The following SH3PXD2A variants were observed in gnomAD, a reference collection of about 807,000 sequenced individuals.
SH3PXD2A encodes SH3 and PX domains 2A.
A neutral mutation model predicts 115.2 loss-of-function variants in SH3PXD2A; 32 were observed. The ratio of observed to expected loss-of-function variants is 0.28; its 90% confidence interval spans 0.21 to 0.37. The LOEUF (loss-of-function observed/expected upper bound fraction) is 0.37. Among genes scored for constraint, SH3PXD2A ranks in the 10% least tolerant of loss-of-function variants. The pLI, the probability that SH3PXD2A is intolerant of heterozygous loss-of-function variation, is 1.00. For synonymous variants in SH3PXD2A, 610 were observed against 629.1 expected, an observed-to-expected ratio of 0.97 and a Z score of 0.45; for missense variants, 1,328 against 1,498.7, an observed-to-expected ratio of 0.89 and a Z score of 1.88.
intron 6 of SH3PXD2A, among the ~76,000 whole-genome samples, chr10:103,680,825 G>A (rs2037598833): frequency 6.6e-6 from 1 of 152,154 alleles, no homozygotes; most frequent in Non-Finnish European, 1.5e-5. Flanking sequence ...TTCACACTTC[G>A]AAACAGACCA....
intron 1 of SH3PXD2A, among the ~76,000 whole-genome samples, chr10:103,850,604 C>T (rs750579617): frequency 4.6e-5 from 7 of 152,184 alleles, no homozygotes; most frequent in Non-Finnish European, 7.3e-5. Context: ...TCTGTTTCTT[C>T]CCAGCTTACC....
At chr10:103,724,685 T>G (rs1032082855) in intron 4 of SH3PXD2A, among the ~76,000 whole-genome samples, 3 of 151,488 alleles carry the variant, frequency 2.0e-5, no homozygotes, top group Non-Finnish European at 4.4e-5. Flanking sequence ...AGAAAACCCC[T>G]AACCAGTTAT....
At chr10:103,708,988 C>G (rs2038015378) in intron 5 of SH3PXD2A, among the ~76,000 whole-genome samples, 1 of 151,938 alleles carries the variant, frequency 6.6e-6, no homozygotes, top group Non-Finnish European at 1.5e-5. Context: ...AGAGGTGCCC[C>G]TGGCAATTAA....
intron 8 of SH3PXD2A, among the ~76,000 whole-genome samples, chr10:103,655,027 C>T (rs1019297588): frequency 6.6e-6 from 1 of 152,166 alleles, no homozygotes; most frequent in Non-Finnish European, 1.5e-5. Flanking sequence ...GGCCCTTTCC[C>T]CTCCAGCCAG....
Position 103,603,220 on chromosome 10 carries a change from T to A in SH3PXD2A, c.1998A>T (p.Ser666=). ...NSPKSGSPKS[S]SLLKLKAEKN... ...TCTCTGCCTTGAGCTTTAGGAGTGA[T>A]GATGACTTGGGGGAGCCTGATTTGG... Residue 666 remains serine, a synonymous_variant, in exon 15 of 15, where the codon TCA becomes TCT. Transcript: ENST00000369774. 6.2e-7 allele frequency: 1 copy of A among 1,614,160 alleles called. No individual in the cohort carries two copies. The highest frequency in any genetic ancestry group is 8.5e-7 in the Non-Finnish European group (1 of 1,180,028).
intron 6 of SH3PXD2A, among the ~76,000 whole-genome samples, chr10:103,679,461 C>G (rs1326426036): frequency 6.6e-6 from 1 of 152,242 alleles, no homozygotes; most frequent in African/African-American, 2.4e-5. Flanking sequence ...GGGTACCCTC[C>G]CTGCGCCCCA....
intron 14 of SH3PXD2A, among the ~76,000 whole-genome samples, chr10:103,605,533 CCCT>C (rs2036287016): frequency 6.6e-6 from 1 of 152,214 alleles, no homozygotes; most frequent in Non-Finnish European, 1.5e-5. Flanking sequence ...TTCAAGGCCC[CCCT>C]GTCACAAGCT....
rs1245930754 is a variant in SH3PXD2A, at chr10:103,665,995, C to A, written c.472+2613G>T. ...GTCCCAGGGGTCCCCTGGACCCCTG[C>A]CCCACCCTTGCCTCACATCTGCATT... is the stretch of plus-strand genomic sequence containing the variant. On this transcript the variant is annotated intron_variant, in intron 7 of 14. Coordinates refer to ENST00000369774, the MANE Select transcript of SH3PXD2A (RefSeq NM_001394015.1). This position sits in a 1 kb window ranked among gnomAD's most constrained non-coding sequence, Gnocchi z 4.0. Among the ~76,000 whole-genome samples the A allele has an allele frequency of 1.3e-5, 2 of 152,086 alleles. No homozygotes were observed. The highest frequency in any genetic ancestry group is 4.8e-5 in the African/African-American group (2 of 41,416).
chr10:103,750,990 C>T (rs989089847), intron 3 of SH3PXD2A, among the ~76,000 whole-genome samples: 45 of 152,170 alleles, frequency 3.0e-4, no homozygotes, highest in Non-Finnish European at 3.8e-4. Context: ...AACACCACAG[C>T]GGGAAACGGA....
intron 11 of SH3PXD2A, 115 bp downstream of exon 11, chr10:103,617,082 G>C: frequency 1.4e-6 from 1 of 734,780 alleles, no homozygotes; most frequent in South Asian, 1.6e-5. Context: ...GCCCTGTGCC[G>C]TGGGCACAAA....
At chr10:103,767,906 C>T (rs950243939) in intron 2 of SH3PXD2A, among the ~76,000 whole-genome samples, 1 of 149,516 alleles carries the variant, frequency 6.7e-6, no homozygotes, top group African/African-American at 2.5e-5. Context: ...GCCAGGGCCC[C>T]TTTGTGTGTG....
intron 1 of SH3PXD2A, among the ~76,000 whole-genome samples, chr10:103,850,813 C>G (rs988143954): frequency 2.0e-5 from 3 of 152,152 alleles, no homozygotes; most frequent in Non-Finnish European, 2.9e-5. Context: ...CCGATTGGGT[C>G]CTAAATCACC....
At chr10:103,836,491 C>T (rs2039541780) in intron 1 of SH3PXD2A, among the ~76,000 whole-genome samples, 1 of 151,720 alleles carries the variant, frequency 6.6e-6, no homozygotes, top group African/African-American at 2.4e-5. Flanking sequence ...CACACACAGA[C>T]ACATCCATAC....
At position 103,694,273 on chromosome 10, in the gene SH3PXD2A, C is replaced by T. The variant is rs562301724; in HGVS notation, c.399-1217G>A. On this transcript the variant is annotated intron_variant, in intron 5 of 14. Transcript: ENST00000369774. ...GCCCGCTAGTCTGCCACTGGAAAGG[C>T]GGGGTTGGGGGTTTGGGGGGATGCG... Among the ~76,000 whole-genome samples the T allele has an allele frequency of 1.0e-3, 68 of 66,564 alleles. No individual in the cohort carries two copies. In the South Asian group the frequency reaches 0.057, roughly 56 times the overall value. The allele number at this position is 66,564 out of a possible 152,430, so 43.7% of individuals were successfully genotyped here.
chr10:103,770,215 C>G (rs1460774087), intron 2 of SH3PXD2A, among the ~76,000 whole-genome samples: 3 of 152,072 alleles, frequency 2.0e-5, no homozygotes, highest in Admixed American at 6.6e-5. Flanking sequence ...TATCAATGTT[C>G]TTTTTTCTTA....
At chr10:103,641,084 T>A (rs1346232728) in intron 8 of SH3PXD2A, among the ~76,000 whole-genome samples, 1 of 152,048 alleles carries the variant, frequency 6.6e-6, no homozygotes, top group Non-Finnish European at 1.5e-5. Flanking sequence ...TGTGCCAGGA[T>A]TAGGAGCCAA....
chr10:103,835,553 C>A (rs945959558), intron 1 of SH3PXD2A, among the ~76,000 whole-genome samples: 1 of 152,340 alleles, frequency 6.6e-6, no homozygotes, highest in East Asian at 1.9e-4. Flanking sequence ...TTGACAGATG[C>A]TCACAGGGTA....
intron 5 of SH3PXD2A, among the ~76,000 whole-genome samples, chr10:103,695,602 C>A (rs2037815798): frequency 1.3e-5 from 2 of 152,004 alleles, no homozygotes; most frequent in South Asian, 2.1e-4. Flanking sequence ...TGATTCTCAG[C>A]CTGCTATTCA....
rs2038641654 is a variant in SH3PXD2A at position 103,756,427 on chromosome 10, G to A, written c.229+10667C>T. ...TTGGGGGCCGGAGCTCCTTCTCAAT[G>A]CGCCTCAGTGTTCCCCTCCACCACC... On this transcript the variant is annotated intron_variant, in intron 3 of 14. Transcript: ENST00000369774. This position sits in a 1 kb window ranked among gnomAD's most constrained non-coding sequence, Gnocchi z 4.4. Among the ~76,000 whole-genome samples the A allele has an allele frequency of 6.6e-6, 1 of 152,050 alleles. No homozygotes were observed. Among genetic ancestry groups the A allele is most frequent in the African/African-American group, 2.4e-5 (1 of 41,380 alleles).
Sources: allele counts gnomAD v4.1 joint callset (sites outside exome capture counted in the v4.1 genomes callset), GRCh38; gene constraint gnomAD v4.1.1; non-coding constraint Gnocchi (gnomAD v3.1); transcripts MANE v1.5; gene names NCBI Gene and HGNC (gene_info 2026-07-23, HGNC 2026-07-21).